The following SIRPG variants were observed in gnomAD, a reference collection of about 807,000 sequenced individuals.
SIRPG encodes the protein signal-regulatory protein gamma.
Under a neutral mutation model 35.7 loss-of-function variants are expected in SIRPG, and 38 were observed. That is an observed-to-expected ratio of 1.06 (90% CI 0.82 to 1.40). SIRPG has a LOEUF of 1.40. SIRPG is among the 40% of genes most tolerant of loss of function. SIRPG has a pLI of 0.00. For synonymous variants in SIRPG, 215 were observed against 190.4 expected (o/e 1.13, Z -1.06); for missense variants, 519 against 483.0 (o/e 1.07, Z -0.70).
In SIRPG at chr20:1,635,267, C is replaced by T. The variant is rs2091787523; in HGVS notation, c.1081G>A (p.Gly361Ser). Residue 361 changes from glycine (G) to serine (S), a missense_variant and splice_region_variant, in exon 4 of 6, where the codon GGC (glycine) becomes AGC (serine). Transcript: ENST00000303415. ...QKDQSSDATPGPASSLTALLL... is the reference protein window; with the variant it reads ...QKDQSSDATPSPASSLTALLL... Reference sequence around the variant, plus strand: ...ATTTAAAAATTTTGAGTAACCTCACCAGGGGTAGCATCTGAGCTCTGGTCC... The same window carrying T: ...ATTTAAAAATTTTGAGTAACCTCACTAGGGGTAGCATCTGAGCTCTGGTCC... 6.3e-7 allele frequency: 1 copy of T among 1,597,134 alleles called. No homozygotes were observed. Among genetic ancestry groups the T allele is most frequent in the South Asian group, 1.1e-5 (1 of 90,066 alleles).
chr20:1,668,199 T>TCTTCTTTC, the SIRPG span, among the ~76,000 whole-genome samples: 1 of 67,394 alleles, frequency 1.5e-5, no homozygotes, highest in African/African-American at 4.8e-5. Context: ...TTTTCTTTTC[T>TCTTCTTTC]TTTCTTTCTT....
chr20:1,654,865 G>C (rs551719004), intron 1 of SIRPG, among the ~76,000 whole-genome samples: 1 of 152,190 alleles, frequency 6.6e-6, no homozygotes, highest in East Asian at 1.9e-4. Context: ...TAAAATATGG[G>C]CCAAAGATCC....
At chr20:1,663,813 C>A in the SIRPG span, among the ~76,000 whole-genome samples, 13 of 152,254 alleles carry the variant, frequency 8.5e-5, no homozygotes, top group African/African-American at 3.1e-4. Flanking sequence ...ACTAGTGTTT[C>A]CATCCCAGAG....
chr20:1,639,833 G>C (rs936350133), intron 2 of SIRPG, among the ~76,000 whole-genome samples: 1 of 152,098 alleles, frequency 6.6e-6, no homozygotes, highest in Non-Finnish European at 1.5e-5. Flanking sequence ...TCAGTTTTCT[G>C]CATATGGCTA....
chr20:1,632,859 TAAACTC>T (rs1409307479), intron 4 of SIRPG, among the ~76,000 whole-genome samples: 1 of 150,348 alleles, frequency 6.7e-6, no homozygotes, highest in Admixed American at 6.6e-5. Context: ...TAGAGCAAAA[TAAACTC>T]AAAGCAAGCA....
chr20:1,683,128 C>G, the SIRPG span, among the ~76,000 whole-genome samples: 7 of 152,172 alleles, frequency 4.6e-5, no homozygotes, highest in South Asian at 1.5e-3. Context: ...ATTAAAATGG[C>G]CAGCAGGCAT....
At chr20:1,633,070 A>G (rs2091764352) in intron 4 of SIRPG, among the ~76,000 whole-genome samples, 1 of 152,230 alleles carries the variant, frequency 6.6e-6, no homozygotes, top group Non-Finnish European at 1.5e-5. Context: ...GGATATCGCC[A>G]TAACCCTTCA....
At chr20:1,677,862 A>G in the SIRPG span, among the ~76,000 whole-genome samples, 3 of 152,328 alleles carry the variant, frequency 2.0e-5, no homozygotes, top group Admixed American at 1.3e-4. Flanking sequence ...CCATATATCG[A>G]CAACTAGAGT....
the SIRPG span, among the ~76,000 whole-genome samples, chr20:1,669,661 A>T: frequency 6.6e-6 from 1 of 152,196 alleles, no homozygotes; most frequent in Non-Finnish European, 1.5e-5. Context: ...AAGGCAAAAC[A>T]CAGGACTCCA....
At chr20:1,675,413 G>T in the SIRPG span, among the ~76,000 whole-genome samples, 1 of 152,218 alleles carries the variant, frequency 6.6e-6, no homozygotes. Context: ...AGAGTGTAAA[G>T]CCAGCCCCTC....
rs78053816 is a variant in SIRPG at position 1,635,288 on chromosome 20, G to C, written c.1060C>G (p.Gln354Glu). Residue 354 changes from glutamine (Q) to glutamate (E), a missense_variant, in exon 4 of 6, where the codon CAG (glutamine) becomes GAG (glutamate). Coordinates refer to ENST00000303415, the MANE Select transcript of SIRPG (RefSeq NM_018556.4). ...ALEVTVHQKD[Q>E]SSDATPGPAS... Reference sequence around the variant, plus strand: ...TCACCAGGGGTAGCATCTGAGCTCTGGTCCTTCTGGTGGACTGTGACCTCT... The same window carrying C: ...TCACCAGGGGTAGCATCTGAGCTCTCGTCCTTCTGGTGGACTGTGACCTCT... The C allele has an allele frequency of 1.2e-6, 2 of 1,612,136 alleles. No homozygotes were observed. Among genetic ancestry groups the C allele is most frequent in the South Asian group, 2.2e-5 (2 of 91,052 alleles).
chr20:1,670,989 C>T, the SIRPG span: 2 of 364,698 alleles, frequency 5.5e-6, no homozygotes, highest in Non-Finnish European at 5.6e-6. Flanking sequence ...AGGCCAGCAC[C>T]ATCCTGGCTG....
chr20:1,662,762 A>C (rs910331714), upstream of SIRPG, among the ~76,000 whole-genome samples: 5 of 152,182 alleles, frequency 3.3e-5, no homozygotes, highest in African/African-American at 1.2e-4. Flanking sequence ...CTGCACTGCC[A>C]TGCAAAGTGA....
At chr20:1,634,651 C>T (rs925548639) in intron 4 of SIRPG, among the ~76,000 whole-genome samples, 1 of 152,116 alleles carries the variant, frequency 6.6e-6, no homozygotes, top group Admixed American at 6.5e-5. Context: ...CAAGGGTGGG[C>T]TGATGAGAAA....
intron 2 of SIRPG, among the ~76,000 whole-genome samples, chr20:1,645,565 A>G (rs577964847): frequency 4.1e-4 from 62 of 152,278 alleles, no homozygotes; most frequent in African/African-American, 1.5e-3. Flanking sequence ...ACATTTATGG[A>G]ACATTTACTG....
chr20:1,658,553 A>G (rs1206253443), upstream of SIRPG, among the ~76,000 whole-genome samples: 6 of 152,178 alleles, frequency 3.9e-5, no homozygotes, highest in African/African-American at 1.4e-4. Flanking sequence ...ATGAGGAAAG[A>G]GGAAAAATCC....
intron 1 of SIRPG, among the ~76,000 whole-genome samples, chr20:1,652,961 C>T (rs769684508): frequency 1.3e-5 from 2 of 152,118 alleles, no homozygotes; most frequent in Non-Finnish European, 2.9e-5. Flanking sequence ...ACATTTCCCT[C>T]GAAGACTGAA....
At chr20:1,684,105 A>G in the SIRPG span, among the ~76,000 whole-genome samples, 1 of 152,204 alleles carries the variant, frequency 6.6e-6, no homozygotes, top group East Asian at 1.9e-4. Context: ...GTATTGTACG[A>G]TATGATTTCT....
In SIRPG at chr20:1,635,255, G is replaced by A. The variant is rs754520540; in HGVS notation, c.1081+12C>T. On this transcript the variant is annotated intron_variant, in intron 4 of 5. Coordinates refer to ENST00000303415, the MANE Select transcript of SIRPG (RefSeq NM_018556.4). ...GAAAAAGACAAAATTTAAAAATTTT[G>A]AGTAACCTCACCAGGGGTAGCATCT... 3 of 1,567,470 alleles carry A rather than the reference G, an allele frequency of 1.9e-6. No individual in the cohort carries two copies. Among genetic ancestry groups the A allele is most frequent in the South Asian group, 1.2e-5 (1 of 85,960 alleles).
Sources: gnomAD v4.1 joint callset for allele counts (sites outside exome capture counted in the v4.1 genomes callset) on GRCh38, gnomAD v4.1.1 for gene constraint, MANE v1.5 for transcripts, NCBI Gene and HGNC (gene_info 2026-07-23, HGNC 2026-07-21) for gene names.